The following LIMA1 variants were observed in gnomAD, a reference collection of about 807,000 sequenced individuals.
LIMA1 encodes LIM domain and actin-binding protein 1.
A neutral mutation model predicts 62.6 loss-of-function variants in LIMA1; 52 were observed. The ratio of observed to expected loss-of-function variants is 0.83; its 90% CI spans 0.67 to 1.05. The LOEUF (loss-of-function observed/expected upper bound fraction) is 1.05. Ranked by LOEUF, LIMA1 falls within the 50% of genes least tolerant of loss-of-function variation. The pLI is 0.00. For missense variants in LIMA1, 780 were observed against 902.2 expected (o/e 0.86, Z 1.74); for synonymous variants, 302 against 317.8 (o/e 0.95, Z 0.53).
intron 2 of LIMA1, 81 bp from the exon 3 acceptor site, chr12:50,231,791 A>C: frequency 7.4e-7 from 1 of 1,349,662 alleles, no homozygotes. Flanking sequence ...TTTTGAGATG[A>C]AGTCTCACGC....
chr12:50,238,431 C>T (rs965820958), intron 2 of LIMA1, among the ~76,000 whole-genome samples: 10 of 151,654 alleles, frequency 6.6e-5, no homozygotes, highest in Non-Finnish European at 1.2e-4. Flanking sequence ...CATTTGAACC[C>T]AGGAGGTGGA....
chr12:50,265,223 T>A (rs1233927343), intron 1 of LIMA1, among the ~76,000 whole-genome samples: 2 of 151,982 alleles, frequency 1.3e-5, no homozygotes, highest in Admixed American at 6.6e-5. Flanking sequence ...GTTGCTGTCA[T>A]TATTTAAAAC....
At chr12:50,232,229 A>AT (rs1162181804) in intron 2 of LIMA1, among the ~76,000 whole-genome samples, 92 of 135,284 alleles carry the variant, frequency 6.8e-4, no homozygotes, top group African/African-American at 2.5e-3. Context: ...ACCTGGCTTA[A>AT]TTTTTTTATT....
At chr12:50,249,472 C>T (rs989153097) in intron 1 of LIMA1, among the ~76,000 whole-genome samples, 5 of 152,024 alleles carry the variant, frequency 3.3e-5, no homozygotes, top group African/African-American at 1.2e-4. Flanking sequence ...TAATTATTAT[C>T]ATTGACTCTT....
intron 1 of LIMA1, among the ~76,000 whole-genome samples, chr12:50,270,604 C>CA (rs150300834): frequency 0.038 from 2,744 of 71,370 alleles, 151 homozygotes; most frequent in East Asian, 0.2. Context: ...GACCTTATCT[C>CA]AAAAAAAAAA....
intron 1 of LIMA1, among the ~76,000 whole-genome samples, chr12:50,254,877 T>C (rs1228558696): frequency 6.6e-6 from 1 of 151,862 alleles, no homozygotes; most frequent in African/African-American, 2.4e-5. Flanking sequence ...CTGGCCAACA[T>C]GGTAAAACCC....
chr12:50,260,019 A>G lies in LIMA1; in HGVS notation c.-23-11245T>C, dbSNP rs1043286411. ...CACTCTTACTCCCAGGAATCAATAAAGAGTCAGTCTCTCTCCCTTCTCTGA... is the reference window on the plus strand; with the variant it reads ...CACTCTTACTCCCAGGAATCAATAAGGAGTCAGTCTCTCTCCCTTCTCTGA... On this transcript the variant is annotated intron_variant, in intron 1 of 10. Transcript: ENST00000341247. Among the ~76,000 whole-genome samples, 12 of 152,266 alleles carry G rather than the reference A, an allele frequency of 7.9e-5. No individual in the cohort carries two copies. The South Asian group carries it at 1.7e-3, about 21-fold the overall frequency.
chr12:50,192,364 T>G, intron 9 of LIMA1, 88 bp downstream of exon 9: 1 of 961,564 alleles, frequency 1.0e-6, no homozygotes. Context: ...CAAAACCAGG[T>G]TATAATCAAC....
At chr12:50,245,588 A>AC (rs1941836758) in intron 2 of LIMA1, among the ~76,000 whole-genome samples, 1 of 149,710 alleles carries the variant, frequency 6.7e-6, no homozygotes, top group Non-Finnish European at 1.5e-5. Context: ...CTCCCCTATC[A>AC]CTTTTTTTTT....
At chr12:50,265,442 C>T (rs941521913) in intron 1 of LIMA1, among the ~76,000 whole-genome samples, 10 of 152,016 alleles carry the variant, frequency 6.6e-5, no homozygotes, top group Admixed American at 3.9e-4. Context: ...ATTGCTTGAA[C>T]CAGGAAGGTG....
intron 8 of LIMA1, among the ~76,000 whole-genome samples, chr12:50,194,009 A>T: frequency 8.3e-6 from 1 of 121,180 alleles, no homozygotes. Flanking sequence ...TTTTTTTGAG[A>T]TGGATTTTCA....
intron 9 of LIMA1, among the ~76,000 whole-genome samples, chr12:50,184,843 G>A (rs1186053041): frequency 6.6e-6 from 1 of 151,784 alleles, no homozygotes; most frequent in Non-Finnish European, 1.5e-5. Context: ...GTTTTGTTTT[G>A]TTTTTTGAGA....
chr12:50,272,583 A>T (rs998167671), intron 1 of LIMA1, among the ~76,000 whole-genome samples: 3 of 134,096 alleles, frequency 2.2e-5, no homozygotes, highest in Admixed American at 7.6e-5. Context: ...CAAGAGCGAA[A>T]CTCCGTCTCA....
At chr12:50,282,471 T>G (rs1942351584) in intron 1 of LIMA1, among the ~76,000 whole-genome samples, 1 of 152,232 alleles carries the variant, frequency 6.6e-6, no homozygotes, top group South Asian at 2.1e-4. Flanking sequence ...GTCAAGTCAA[T>G]TGAACCATCT....
At chr12:50,205,856 T>A in intron 5 of LIMA1, 128 bp downstream of exon 5, 1 of 418,084 alleles carries the variant, frequency 2.4e-6, no homozygotes, top group Non-Finnish European at 4.3e-6. Flanking sequence ...ATGGCTTGCA[T>A]CTAATAGGCA....
intron 8 of LIMA1, chr12:50,195,607 C>G: frequency 2.6e-6 from 1 of 387,410 alleles, no homozygotes; most frequent in Non-Finnish European, 4.5e-6. Context: ...ATGAGAAAAG[C>G]ATTACAAGTA....
chr12:50,203,834 A>G (rs1941102489), intron 6 of LIMA1, among the ~76,000 whole-genome samples: 1 of 152,206 alleles, frequency 6.6e-6, no homozygotes, highest in Admixed American at 6.5e-5. Context: ...ATTAAGTAGA[A>G]GATCTACTGT....
intron 2 of LIMA1, among the ~76,000 whole-genome samples, chr12:50,240,093 A>T (rs1941755738): frequency 6.6e-6 from 1 of 151,790 alleles, no homozygotes; most frequent in South Asian, 2.1e-4. Flanking sequence ...CGCCTCACTG[A>T]GAAAATGACC....
intron 10 of LIMA1, 83 bp from the exon 11 acceptor site, chr12:50,178,152 A>C: frequency 9.1e-7 from 1 of 1,094,510 alleles, no homozygotes; most frequent in Non-Finnish European, 1.2e-6. Context: ...TGGCAATTCC[A>C]GTATTTTCAG....
Sources: gnomAD v4.1 joint callset for allele counts (sites outside exome capture counted in the v4.1 genomes callset) on GRCh38, gnomAD v4.1.1 for gene constraint, MANE v1.5 for transcripts, NCBI Gene and HGNC (gene_info 2026-07-23, HGNC 2026-07-21) for gene names.